XKRX: variants seen among roughly 807,000 people sequenced by gnomAD.
XKRX encodes XK related X-linked.
XKRX carries 11 observed loss-of-function variants against 22.4 expected under a neutral mutation model. The ratio of observed to expected loss-of-function variants is 0.49; its 90% confidence interval spans 0.31 to 0.81. The LOEUF (loss-of-function observed/expected upper bound fraction) is 0.81, where lower values mean the gene tolerates loss of function less well. Among genes scored for constraint, XKRX ranks in the 40% least tolerant of loss-of-function variants. The pLI is 0.05. For missense variants in XKRX, 320 were observed against 336.5 expected, an observed-to-expected ratio of 0.95 and a Z score of 0.38; for synonymous variants, 114 against 132.2, an observed-to-expected ratio of 0.86 and a Z score of 0.94.
chrX:100,888,573 G>A, the XKRX span: 2 of 511,873 alleles, frequency 3.9e-6, no homozygotes, highest in Non-Finnish European at 6.9e-6. Context: ...GGCTCTTTAG[G>A]AGACTCTGAC....
At chrX:100,943,851 T>C in the XKRX span, among the ~76,000 whole-genome samples, 1 of 112,191 alleles carries the variant, frequency 8.9e-6, no homozygotes, top group South Asian at 3.7e-4. Context: ...TAGGTTGCTT[T>C]TCGTTTCTTA....
At chrX:100,956,132 C>T in the XKRX span, among the ~76,000 whole-genome samples, 2 of 111,433 alleles carry the variant, frequency 1.8e-5, no homozygotes. Flanking sequence ...CACATGTTCT[C>T]ACTTATAAGT....
At chrX:100,916,194 G>A (rs959767821) in intron 2 of XKRX, among the ~76,000 whole-genome samples, 3 of 110,093 alleles carry the variant, frequency 2.7e-5, no homozygotes, top group Admixed American at 9.7e-5. Flanking sequence ...TACATACATC[G>A]AAACATCACA....
At chrX:100,931,680 C>T (rs1298494022), upstream of XKRX, among the ~76,000 whole-genome samples, 1 of 111,507 alleles carries the variant, frequency 9.0e-6, no homozygotes, top group Non-Finnish European at 1.9e-5. Flanking sequence ...GAAGGATGCT[C>T]AATGACTGTT....
At chrX:100,917,590 GAAAGAA>G (rs1197293890) in intron 2 of XKRX, among the ~76,000 whole-genome samples, 2 of 89,709 alleles carry the variant, frequency 2.2e-5, no homozygotes, top group African/African-American at 8.3e-5. Flanking sequence ...AGAAAGAAAA[GAAAGAA>G]AAAGAAAAGG....
downstream of XKRX, among the ~76,000 whole-genome samples, chrX:100,913,204 G>GA (rs1216276910): frequency 1.1e-3 from 96 of 90,486 alleles, no homozygotes; most frequent in Middle Eastern, 5.5e-3. Context: ...TCTCAAAAAA[G>GA]AAAAAAAAAA....
At chrX:100,891,805 T>TA in the XKRX span, among the ~76,000 whole-genome samples, 1 of 47,872 alleles carries the variant, frequency 2.1e-5, no homozygotes, top group Admixed American at 2.0e-4. Flanking sequence ...GAAAGTAAGT[T>TA]AAAAAAATTA....
At chrX:100,901,087 G>A in the XKRX span, among the ~76,000 whole-genome samples, 4 of 111,351 alleles carry the variant, frequency 3.6e-5, no homozygotes, top group Non-Finnish European at 5.7e-5. Context: ...ACCGCACCTG[G>A]CCCACAATCT....
the XKRX span, among the ~76,000 whole-genome samples, chrX:100,900,945 A>C: frequency 9.3e-6 from 1 of 107,867 alleles, no homozygotes; most frequent in African/African-American, 3.4e-5. Context: ...GCCCACCACC[A>C]CGCCTGGCTA....
chrX:100,945,622 T>C, the XKRX span, among the ~76,000 whole-genome samples: 1 of 110,340 alleles, frequency 9.1e-6, no homozygotes, highest in Non-Finnish European at 1.9e-5. Context: ...GTTCCACTGT[T>C]TTTTAGCTAT....
At chrX:100,948,287 CAAAG>C in the XKRX span, among the ~76,000 whole-genome samples, 4 of 111,368 alleles carry the variant, frequency 3.6e-5, no homozygotes, top group Admixed American at 1.9e-4. Flanking sequence ...ATAGCATAAC[CAAAG>C]AAAGTAGAAA....
At chrX:100,937,337 CG>C in the XKRX span, among the ~76,000 whole-genome samples, 1 of 111,534 alleles carries the variant, frequency 9.0e-6, no homozygotes, top group Non-Finnish European at 1.9e-5. Context: ...TAACTGTACA[CG>C]ACCTGGAATT....
the XKRX span, among the ~76,000 whole-genome samples, chrX:100,890,329 C>A: frequency 1.2e-3 from 132 of 110,899 alleles, 1 homozygote; most frequent in East Asian, 0.021. Flanking sequence ...AGACTGAATT[C>A]TATGACACAT....
At chrX:100,908,138 T>TGTGTGTGTGTGTGTGTGTGTGTG in the XKRX span, among the ~76,000 whole-genome samples, 1 of 109,179 alleles carries the variant, frequency 9.2e-6, no homozygotes, top group Non-Finnish European at 1.9e-5. Flanking sequence ...TGTGTGTGTG[T>TGTGTGTGTGTGTGTGTGTGTGTG]TTGAAACGGA....
the XKRX span, among the ~76,000 whole-genome samples, chrX:100,907,421 G>T: frequency 1.8e-5 from 2 of 111,213 alleles, no homozygotes; most frequent in African/African-American, 3.3e-5. Context: ...GCTGATCTCA[G>T]ATTCCTAAGT....
chrX:100,923,097 C>G (rs748105890), intron 1 of XKRX, 36 bp from the exon 2 acceptor site: 2 of 1,204,939 alleles, frequency 1.7e-6, no homozygotes, highest in South Asian at 3.6e-5. Flanking sequence ...CTTAACTAAG[C>G]TGTCCTGGGA....
At chrX:100,909,969 G>A (rs1332360429), downstream of XKRX, among the ~76,000 whole-genome samples, 2 of 98,121 alleles carry the variant, frequency 2.0e-5, no homozygotes, top group Non-Finnish European at 4.1e-5. Context: ...CAGGAATATA[G>A]TAGGTGCTCA....
chrX:100,930,475 G>A (rs762526975), upstream of XKRX, among the ~76,000 whole-genome samples: 1 of 109,405 alleles, frequency 9.1e-6, no homozygotes, highest in African/African-American at 3.3e-5. Context: ...TTTTTTTAAG[G>A]TTTCCATGAT....
chrX:100,894,465 C>T, the XKRX span, among the ~76,000 whole-genome samples: 94 of 111,294 alleles, frequency 8.4e-4, no homozygotes, highest in African/African-American at 2.9e-3. Flanking sequence ...TTGATATCTG[C>T]ATTTGAATGC....
Sources: gnomAD v4.1 joint callset for allele counts (sites outside exome capture counted in the v4.1 genomes callset) on GRCh38, gnomAD v4.1.1 for gene constraint, MANE v1.5 for transcripts, NCBI Gene and HGNC (gene_info 2026-07-23, HGNC 2026-07-21) for gene names.